Variants in PPP4R1 observed in about 807,000 individuals in gnomAD.
PPP4R1 encodes protein phosphatase 4 regulatory subunit 1.
A neutral mutation model predicts 111.2 loss-of-function variants in PPP4R1; 42 were observed. The observed-to-expected ratio is 0.38, with a 90% CI of 0.29 to 0.49. The LOEUF (loss-of-function observed/expected upper bound fraction) is 0.49. PPP4R1 is among the 20% of genes least tolerant of loss of function. PPP4R1 has a pLI of 0.97. For synonymous variants in PPP4R1, 409 were observed against 405.5 expected, an observed-to-expected ratio of 1.01 and a Z score of -0.10; for missense variants, 1,012 against 1,161.6, an observed-to-expected ratio of 0.87 and a Z score of 1.87.
At chr18:9,599,583 A>T (rs1239893063) in intron 2 of PPP4R1, 2 of 152,216 alleles carry the variant, frequency 1.3e-5, no homozygotes, top group Non-Finnish European at 2.9e-5. Flanking sequence ...CTAACCATGA[A>T]CATAATTATA....
intron 2 of PPP4R1, chr18:9,599,856 G>C (rs1046425010): frequency 2.0e-5 from 3 of 152,134 alleles, no homozygotes; most frequent in Admixed American, 1.3e-4. Flanking sequence ...AGGGCAGTGG[G>C]AAAAAACTCC....
At position 9,547,418 on chromosome 18, in the gene PPP4R1, G is replaced by A. The variant is rs1598879466; in HGVS notation, c.*371C>T. 5.6e-6 allele frequency: 1 copy of A among 178,500 alleles called. No homozygotes were observed. 11.1% of individuals were successfully genotyped at this position (178,500 alleles called of 1,614,324 possible). A position where few individuals can be genotyped will look rare whatever the true frequency, so the allele number is the denominator to read the frequency against. On this transcript the variant is annotated 3_prime_UTR_variant, in exon 20 of 20. Transcript: ENST00000400556. ...TCAGGCTGTAAGAATTTCATTTGTC[G>A]ATTGTTAAATAAAACCAGGAGAAAG...
intron 2 of PPP4R1, among the ~76,000 whole-genome samples, chr18:9,598,315 T>C (rs1017862823): frequency 1.3e-5 from 2 of 152,156 alleles, no homozygotes; most frequent in African/African-American, 4.8e-5. Context: ...TACAGACAGA[T>C]TCAAGGGGTT....
chr18:9,616,796 T>A (rs2145406464), upstream of PPP4R1, among the ~76,000 whole-genome samples: 1 of 152,316 alleles, frequency 6.6e-6, no homozygotes. Context: ...TAGCTAGGCC[T>A]CAGTAAGTTT....
intron 11 of PPP4R1, among the ~76,000 whole-genome samples, chr18:9,569,932 T>C (rs2066832017): frequency 6.6e-6 from 1 of 152,084 alleles, no homozygotes; most frequent in Admixed American, 6.6e-5. Flanking sequence ...TATTTTTTTG[T>C]AGAGATGGGG....
At position 9,588,775 on chromosome 18, in the gene PPP4R1, G is replaced by C; in HGVS notation, c.374C>G (p.Pro125Arg). ...LFCQENRPSI[P>R]YAFSKFLLPI... ...TAGTAAGAATTTTGAAAAAGCATAT[G>C]GTATTGAAGGCCGGTTTTCTTGACA... Residue 125 changes from proline to arginine, a missense_variant, in exon 5 of 20, where the codon CCA becomes CGA. Physicochemically the swap from Pro to Arg is moderately radical, Grantham distance 103. Around this residue, in one of 2 missense-constraint regions of PPP4R1, gnomAD observed 707 missense variants for 742.1 expected, o/e 0.95. Transcript: ENST00000400556. The C allele has an allele frequency of 1.2e-6, 2 of 1,613,910 alleles. No homozygotes were observed. The highest frequency in any genetic ancestry group is 1.7e-6 in the Non-Finnish European group (2 of 1,179,804).
intron 3 of PPP4R1, 131 bp from the exon 4 acceptor site, chr18:9,594,005 G>A (rs977882437): frequency 1.5e-6 from 1 of 675,116 alleles, no homozygotes; most frequent in African/African-American, 1.8e-5. Flanking sequence ...ACGGCTAACT[G>A]CAGCATTGAC....
intron 2 of PPP4R1, among the ~76,000 whole-genome samples, chr18:9,601,457 T>C (rs1019875393): frequency 2.6e-5 from 4 of 151,928 alleles, no homozygotes; most frequent in Non-Finnish European, 5.9e-5. Flanking sequence ...ACCTGGGAAG[T>C]AGAGGTTGCA....
chr18:9,575,817 C>T (rs1410822277), intron 10 of PPP4R1, among the ~76,000 whole-genome samples: 1 of 152,162 alleles, frequency 6.6e-6, no homozygotes, highest in Admixed American at 6.5e-5. Flanking sequence ...TTTACCAGCT[C>T]GTCCTATACA....
chr18:9,570,768 A>C, intron 10 of PPP4R1, 85 bp from the exon 11 acceptor site: 1 of 1,376,932 alleles, frequency 7.3e-7, no homozygotes, highest in Non-Finnish European at 9.7e-7. Context: ...TACATATAGC[A>C]TTTAGACAAG....
chr18:9,593,928 C>A, intron 3 of PPP4R1, 54 bp from the exon 4 acceptor site: 1 of 1,433,386 alleles, frequency 7.0e-7, no homozygotes, highest in Non-Finnish European at 9.7e-7. Flanking sequence ...AGCTAATATC[C>A]AGAATTTTAA....
chr18:9,602,285 A>T (rs1324327859), intron 2 of PPP4R1, among the ~76,000 whole-genome samples: 2 of 150,442 alleles, frequency 1.3e-5, no homozygotes, highest in Non-Finnish European at 2.9e-5. Flanking sequence ...TAATCCCAAC[A>T]CTTTGGGAGG....
At position 9,560,206 on chromosome 18, in the gene PPP4R1, G is replaced by C. The variant is rs1261698689; in HGVS notation, c.1843-602C>G. On this transcript the variant is annotated intron_variant, in intron 13 of 19. Transcript: ENST00000400556. Reference sequence around the variant, plus strand: ...GAGGTGGGATGATCACTTGAGCCCAGGGAGGTGGAAGCTGCAGTGAGCTGG... The same window carrying C: ...GAGGTGGGATGATCACTTGAGCCCACGGAGGTGGAAGCTGCAGTGAGCTGG... Among the ~76,000 whole-genome samples, 4 of 152,188 alleles carry C rather than the reference G, an allele frequency of 2.6e-5. No homozygotes were observed. In the East Asian group the frequency reaches 7.7e-4, roughly 29 times the overall value.
chr18:9,549,003 A>G (rs1438656776), intron 19 of PPP4R1, among the ~76,000 whole-genome samples, 194 bp downstream of exon 19: 1 of 152,284 alleles, frequency 6.6e-6, no homozygotes, highest in African/African-American at 2.4e-5. Context: ...CTAGAACAGT[A>G]GAGGGCTAAT....
chr18:9,580,258 G>T (rs2067004548), intron 9 of PPP4R1, among the ~76,000 whole-genome samples: 1 of 151,670 alleles, frequency 6.6e-6, no homozygotes, highest in African/African-American at 2.4e-5. Flanking sequence ...AAAGCCCCTG[G>T]AAATGGCCCT....
At chr18:9,580,632 G>C (rs1051585184) in intron 9 of PPP4R1, among the ~76,000 whole-genome samples, 2 of 152,084 alleles carry the variant, frequency 1.3e-5, no homozygotes, top group Non-Finnish European at 2.9e-5. Context: ...TTACAGGTGC[G>C]AGCCACCGCG....
chr18:9,607,570 G>A (rs2067502266), intron 2 of PPP4R1, among the ~76,000 whole-genome samples: 1 of 152,008 alleles, frequency 6.6e-6, no homozygotes, highest in Non-Finnish European at 1.5e-5. Flanking sequence ...GATGGCAAAT[G>A]AGCACATAAA....
At chr18:9,572,488 G>T (rs933088636) in intron 10 of PPP4R1, among the ~76,000 whole-genome samples, 1 of 152,184 alleles carries the variant, frequency 6.6e-6, no homozygotes, top group African/African-American at 2.4e-5. Context: ...AAACAGTGAA[G>T]AGACTTGCTT....
chr18:9,598,708 A>G (rs201559879), intron 2 of PPP4R1, among the ~76,000 whole-genome samples: 4 of 152,166 alleles, frequency 2.6e-5, no homozygotes, highest in African/African-American at 9.7e-5. Flanking sequence ...GGATCTATAC[A>G]GAAGAATAAA....
Sources: allele counts gnomAD v4.1 joint callset (sites outside exome capture counted in the v4.1 genomes callset), GRCh38; gene constraint gnomAD v4.1.1; regional missense constraint gnomAD v4.1.1; transcripts MANE v1.5; gene names NCBI Gene and HGNC (gene_info 2026-07-23, HGNC 2026-07-21).